Variants in KLF3 observed in about 807,000 individuals in gnomAD.
KLF3 encodes the protein Krueppel-like factor 3.
Under a neutral mutation model 32.7 loss-of-function variants are expected in KLF3, and 6 were observed. That is an observed-to-expected ratio of 0.18 (90% confidence interval 0.10 to 0.36). KLF3 has a LOEUF of 0.36. KLF3 is among the 10% of genes least tolerant of loss of function. The pLI, the probability that KLF3 is intolerant of heterozygous loss-of-function variation, is 1.00. For missense variants in KLF3, 338 were observed against 449.7 expected, an observed-to-expected ratio of 0.75 and a Z score of 2.25; for synonymous variants, 145 against 172.8, an observed-to-expected ratio of 0.84 and a Z score of 1.26.
At chr4:38,668,936 A>G (rs1169808854) in intron 1 of KLF3, among the ~76,000 whole-genome samples, 1 of 152,256 alleles carries the variant, frequency 6.6e-6, no homozygotes, top group Admixed American at 6.5e-5. Flanking sequence ...GATGGGAACA[A>G]GAGTTTTAAT....
rs1348332744 is a variant in KLF3 at position 38,701,462 on chromosome 4, G to A, written c.*4199G>A. ...ATCAAGACTCTCATGTTGGGGAGTGGGGAACGAGGAACAGAACAATAACGC... is the reference window on the plus strand; with the variant it reads ...ATCAAGACTCTCATGTTGGGGAGTGAGGAACGAGGAACAGAACAATAACGC... On this transcript the variant is annotated 3_prime_UTR_variant, in exon 6 of 6. Transcript: ENST00000261438. Among the ~76,000 whole-genome samples, 1 of 152,156 alleles carries A rather than the reference G, an allele frequency of 6.6e-6. No homozygotes were observed. Among genetic ancestry groups the A allele is most frequent in the Non-Finnish European group, 1.5e-5 (1 of 68,028 alleles).
At chr4:38,686,379 G>A (rs973997698) in intron 2 of KLF3, among the ~76,000 whole-genome samples, 22 of 147,922 alleles carry the variant, frequency 1.5e-4, no homozygotes, top group African/African-American at 5.0e-4. Context: ...CCAGGAGGTC[G>A]AGGCTGCAGT....
rs1360753455 is a variant in KLF3 at position 38,671,479 on chromosome 4, A to C, written c.-40+7018A>C. On this transcript the variant is annotated intron_variant, in intron 1 of 5. Coordinates refer to ENST00000261438, the MANE Select transcript of KLF3 (RefSeq NM_016531.6). The surrounding 1 kb of genome is among the most constrained non-coding windows in gnomAD (Gnocchi z 4.4). ...CAGGGGCCAGTTGGAAGGAGTGGAA[A>C]CTGTCACTAATGTAAACAGACTGTC... Among the ~76,000 whole-genome samples, 4 of 152,274 alleles carry C rather than the reference A, an allele frequency of 2.6e-5. No homozygotes were observed. Among genetic ancestry groups the C allele is most frequent in the Non-Finnish European group, 5.9e-5 (4 of 68,016 alleles).
chr4:38,696,980 G>A (rs750643054), intron 5 of KLF3, 102 bp from the exon 6 acceptor site: 49 of 973,486 alleles, frequency 5.0e-5, no homozygotes, highest in Non-Finnish European at 6.9e-5. Flanking sequence ...AAGAACAAAT[G>A]TATGAACATA....
intron 1 of KLF3, among the ~76,000 whole-genome samples, chr4:38,675,266 A>G (rs1324058409): frequency 6.6e-6 from 1 of 152,204 alleles, no homozygotes; most frequent in African/African-American, 2.4e-5. Flanking sequence ...AAAATAACAC[A>G]GCTGGGGAAG....
Position 38,694,740 on chromosome 4 carries a change from T to C in KLF3, c.696-6T>C, listed in dbSNP as rs1237562186. On this transcript the variant is annotated splice_polypyrimidine_tract_variant and splice_region_variant and intron_variant, in intron 4 of 5. Coordinates refer to ENST00000261438, the MANE Select transcript of KLF3 (RefSeq NM_016531.6). ...AACATTTGGCCTGTAACCTTGGCTT[T>C]CACAGGAATCACCCTTCGGTCATCG... 1 of 1,544,392 alleles carries C rather than the reference T, an allele frequency of 6.5e-7. No homozygotes were observed. Among genetic ancestry groups the C allele is most frequent in the Non-Finnish European group, 8.7e-7 (1 of 1,154,846 alleles).
At chr4:38,666,619 A>G (rs1199658042) in intron 1 of KLF3, among the ~76,000 whole-genome samples, 2 of 152,380 alleles carry the variant, frequency 1.3e-5, no homozygotes, top group East Asian at 3.8e-4. Flanking sequence ...ATTTTTAGAT[A>G]AATGTCAGGA....
rs1722493837 is a variant in KLF3 at position 38,680,658 on chromosome 4, A to G, written c.33A>G (p.Gln11=). Residue 11 remains glutamine, a synonymous_variant, in exon 2 of 6, where the codon CAA becomes CAG. Transcript: ENST00000261438. ...TGTTTGACCCAGTTCCTGTCAAGCA[A>G]GAGGCCATGGACCCTGTCTCAGTGG... MLMFDPVPVK[Q]EAMDPVSVSY... is the part of the protein sequence containing the mutation. 1.2e-6 allele frequency: 2 copies of G among 1,613,798 alleles called. No homozygotes were observed. The highest frequency in any genetic ancestry group is 4.5e-5 in the East Asian group (2 of 44,880).
In KLF3 at chr4:38,697,242, G is replaced by A; in HGVS notation, c.1017G>A (p.Arg339=). The change falls in exon 6 of 6, where the codon AGG becomes AGA. Residue 339 remains arginine, a synonymous_variant. Coordinates refer to ENST00000261438, the MANE Select transcript of KLF3 (RefSeq NM_016531.6). ...FSRSDHLALH[R]KRHMLV is the part of the protein sequence containing the mutation. ...GTTCTGACCATCTTGCCCTCCATAGGAAACGCCACATGCTAGTCTGATTGC... is the reference window on the plus strand; with the variant it reads ...GTTCTGACCATCTTGCCCTCCATAGAAAACGCCACATGCTAGTCTGATTGC... 6.2e-7 allele frequency: 1 copy of A among 1,612,946 alleles called. No homozygotes were observed. The highest frequency in any genetic ancestry group is 8.5e-7 in the Non-Finnish European group (1 of 1,179,398).
intron 2 of KLF3, among the ~76,000 whole-genome samples, chr4:38,686,673 G>A (rs781670312): frequency 1.1e-4 from 16 of 152,104 alleles, no homozygotes; most frequent in Non-Finnish European, 1.8e-4. Flanking sequence ...AGTAGAGCCC[G>A]TGACAGTGAG....
rs1722822106 is a variant in KLF3 at position 38,689,737 on chromosome 4, A to G, written c.553A>G (p.Ile185Val). The stretch of plus-strand genomic sequence containing the variant: ...CTATTTTTATTTTTTAGTACCTGTA[A>G]TTGAATCATATGAGAAGCCTATATC... Reference protein sequence around the residue: ...NSSSSMQVPVIESYEKPISQK... With the variant: ...NSSSSMQVPVVESYEKPISQK... The change falls in exon 4 of 6, where the codon ATT (isoleucine) becomes GTT (valine). Residue 185 changes from isoleucine to valine, a missense_variant. By Grantham distance (29) the Ile-to-Val change is conservative. This residue lies in a region of KLF3 where 272 missense variants were observed against 313.4 expected (regional missense o/e 0.87). Coordinates refer to ENST00000261438, the MANE Select transcript of KLF3 (RefSeq NM_016531.6). 1 of 1,581,072 alleles carries G rather than the reference A, an allele frequency of 6.3e-7. No individual in the cohort carries two copies.
chr4:38,688,253 C>T lies in KLF3; in HGVS notation c.58-332C>T, dbSNP rs528936814. On this transcript the variant is annotated intron_variant, in intron 2 of 5. Coordinates refer to ENST00000261438, the MANE Select transcript of KLF3 (RefSeq NM_016531.6). This position sits in a 1 kb window ranked among gnomAD's most constrained non-coding sequence, Gnocchi z 4.9. ...CTCCTAATGATAATGGCCCCCAAGC[C>T]TGTGCTATCACCTGTCTTAGAATTT... Among the ~76,000 whole-genome samples the T allele has an allele frequency of 2.1e-3, 325 of 152,308 alleles. 1 individual carries two copies. Among genetic ancestry groups the T allele is most frequent in the African/African-American group, 7.1e-3 (297 of 41,580 alleles).
rs775575038 is a variant in KLF3 at position 38,674,843 on chromosome 4, G to C, written c.-39-5744G>C. Among the ~76,000 whole-genome samples, 3 of 152,134 alleles carry C rather than the reference G, an allele frequency of 2.0e-5. No individual in the cohort carries two copies. The highest frequency in any genetic ancestry group is 2.9e-5 in the Non-Finnish European group (2 of 68,010). ...CCACCTTCCTCCTCCCTCAGGAAGG[G>C]GCAGGCAGTTGTCTGTAAGGTCGTT... On this transcript the variant is annotated intron_variant, in intron 1 of 5. Coordinates refer to ENST00000261438, the MANE Select transcript of KLF3 (RefSeq NM_016531.6). This position sits in a 1 kb window ranked among gnomAD's most constrained non-coding sequence, Gnocchi z 4.1.
chr4:38,681,874 C>T (rs542205968), intron 2 of KLF3, among the ~76,000 whole-genome samples: 33 of 152,280 alleles, frequency 2.2e-4, no homozygotes, highest in African/African-American at 7.5e-4. Flanking sequence ...ACGGGGGTCA[C>T]GCCGAGGCCC....
At position 38,671,646 on chromosome 4, in the gene KLF3, T is replaced by C. The variant is rs149699198; in HGVS notation, c.-40+7185T>C. Among the ~76,000 whole-genome samples, 8 of 152,300 alleles carry C rather than the reference T, an allele frequency of 5.3e-5. No individual in the cohort carries two copies. In the East Asian group the frequency reaches 1.4e-3, roughly 26 times the overall value. On this transcript the variant is annotated intron_variant, in intron 1 of 5. Transcript: ENST00000261438. The surrounding 1 kb of genome is among the most constrained non-coding windows in gnomAD (Gnocchi z 4.4). ...GCCACCAGTCTTAAGTCAGACTACC[T>C]TGGGTTCAAGTCCTGGCTCTACGAG...
intron 4 of KLF3, among the ~76,000 whole-genome samples, chr4:38,693,260 C>G (rs1475187801): frequency 6.6e-6 from 1 of 150,796 alleles, no homozygotes; most frequent in Non-Finnish European, 1.5e-5. Context: ...TACCACCCTT[C>G]CAGGTATTAG....
intron 4 of KLF3, among the ~76,000 whole-genome samples, chr4:38,691,299 G>C (rs1481458864): frequency 6.6e-6 from 1 of 152,196 alleles, no homozygotes; most frequent in African/African-American, 2.4e-5. Flanking sequence ...CCAACCCATT[G>C]CATCTGCTCA....
At chr4:38,696,782 A>G (rs968580035) in intron 5 of KLF3, among the ~76,000 whole-genome samples, 1 of 152,236 alleles carries the variant, frequency 6.6e-6, no homozygotes, top group Non-Finnish European at 1.5e-5. Context: ...GGAGATGTGC[A>G]AATACAGATC....
intron 1 of KLF3, chr4:38,664,812 C>T (rs1181544975): frequency 6.6e-6 from 1 of 151,948 alleles, no homozygotes; most frequent in Non-Finnish European, 1.5e-5. Context: ...TCCCCGGCCT[C>T]CTCCCGCCCG....
Sources: allele counts gnomAD v4.1 joint callset (sites outside exome capture counted in the v4.1 genomes callset), GRCh38; gene constraint gnomAD v4.1.1; regional missense constraint gnomAD v4.1.1; non-coding constraint Gnocchi (gnomAD v3.1); transcripts MANE v1.5; gene names NCBI Gene and HGNC (gene_info 2026-07-23, HGNC 2026-07-21).